Variants in TUSC3 observed in about 807,000 individuals in gnomAD.
TUSC3 encodes the protein tumor suppressor candidate 3.
Under a neutral mutation model 44.8 loss-of-function variants are expected in TUSC3, and 45 were observed. The ratio of observed to expected loss-of-function variants is 1.00; its 90% CI spans 0.79 to 1.29. The LOEUF (loss-of-function observed/expected upper bound fraction) is 1.29, where lower values mean the gene tolerates loss of function less well. TUSC3 is among the 50% of genes most tolerant of loss of function. The pLI is 0.00. For synonymous variants in TUSC3, 212 were observed against 152.9 expected (o/e 1.39, Z -2.85); for missense variants, 519 against 437.9 (o/e 1.19, Z -1.65).
At chr8:15,757,188 G>A (rs1231278818) in intron 9 of TUSC3, among the ~76,000 whole-genome samples, 1 of 152,078 alleles carries the variant, frequency 6.6e-6, no homozygotes, top group African/African-American at 2.4e-5. Flanking sequence ...TTCTAAGCTG[G>A]GTGATAACAA....
chr8:15,775,665 T>C, the TUSC3 span, among the ~76,000 whole-genome samples: 2 of 145,098 alleles, frequency 1.4e-5, no homozygotes, highest in Non-Finnish European at 3.0e-5. Flanking sequence ...CACATATACA[T>C]ATATACACAC....
At chr8:15,758,954 C>T (rs1812052368) in intron 10 of TUSC3, among the ~76,000 whole-genome samples, 1 of 152,106 alleles carries the variant, frequency 6.6e-6, no homozygotes, top group African/African-American at 2.4e-5. Flanking sequence ...TTGTTTTAGA[C>T]TCAAAGACTT....
chr8:15,822,837 G>C, the TUSC3 span, among the ~76,000 whole-genome samples: 2 of 152,126 alleles, frequency 1.3e-5, no homozygotes, highest in Admixed American at 6.6e-5. Context: ...ACACCAATAA[G>C]AAGATTCTTA....
At chr8:15,507,088 C>A (rs992284999) in intron 2 of TUSC3, among the ~76,000 whole-genome samples, 1 of 152,100 alleles carries the variant, frequency 6.6e-6, no homozygotes, top group East Asian at 1.9e-4. Flanking sequence ...TATGTTTTTT[C>A]TCCAATTAAC....
intron 7 of TUSC3, among the ~76,000 whole-genome samples, chr8:15,735,410 G>A (rs1420834727): frequency 6.6e-6 from 1 of 152,188 alleles, no homozygotes; most frequent in Non-Finnish European, 1.5e-5. Flanking sequence ...GGAGGGCAAT[G>A]TTTAGCCCAA....
chr8:15,553,793 TAAAG>T (rs1037446168), intron 1 of TUSC3, among the ~76,000 whole-genome samples: 8 of 151,376 alleles, frequency 5.3e-5, no homozygotes, highest in African/African-American at 1.9e-4. Flanking sequence ...GAAATGAAAA[TAAAG>T]AATGTTATGT....
At chr8:15,697,179 G>C (rs192068043) in intron 6 of TUSC3, among the ~76,000 whole-genome samples, 235 of 152,016 alleles carry the variant, frequency 1.5e-3, no homozygotes, top group Non-Finnish European at 3.0e-3. Flanking sequence ...TATTTTTCTT[G>C]GTTAATCTTG....
chr8:15,823,411 G>A, the TUSC3 span, among the ~76,000 whole-genome samples: 2 of 152,028 alleles, frequency 1.3e-5, no homozygotes, highest in African/African-American at 2.4e-5. Flanking sequence ...ATGATTCTAT[G>A]ACTTTACATT....
intron 10 of TUSC3, among the ~76,000 whole-genome samples, chr8:15,758,562 T>C (rs1023704883): frequency 2.0e-5 from 3 of 152,012 alleles, no homozygotes; most frequent in Non-Finnish European, 4.4e-5. Flanking sequence ...AATTCCATTG[T>C]GGTAATACAG....
chr8:15,787,502 T>TATATTATTTGAGGG, the TUSC3 span, among the ~76,000 whole-genome samples: 3 of 152,160 alleles, frequency 2.0e-5, no homozygotes, highest in Non-Finnish European at 4.4e-5. Context: ...GTCAGGAAAA[T>TATATTATTTGAGGG]ATATTATTTG....
chr8:15,652,926 C>T (rs1443551385), intron 3 of TUSC3, among the ~76,000 whole-genome samples: 5 of 152,148 alleles, frequency 3.3e-5, no homozygotes, highest in African/African-American at 1.2e-4. Context: ...GTTGATAATA[C>T]ATTATCTGTT....
chr8:15,496,362 CTG>C lies in TUSC3; in HGVS notation n.189+12882_189+12883del, dbSNP rs550051629. Among the ~76,000 whole-genome samples, 33 of 152,300 alleles carry C rather than the reference CTG, an allele frequency of 2.2e-4. 1 individual carries two copies. The South Asian group carries it at 6.2e-3, about 29-fold the overall frequency. On this transcript the variant is annotated intron_variant and non_coding_transcript_variant, in intron 2 of 5. Transcript: ENST00000503191. ...TCCACGCCTCTAGGGGCCATCCTAACTGTGAATTTGTGCTGTCTCCTAGGGTC... is the reference window on the plus strand; with the variant it reads ...TCCACGCCTCTAGGGGCCATCCTAACTGAATTTGTGCTGTCTCCTAGGGTC...
intron 1 of TUSC3, among the ~76,000 whole-genome samples, chr8:15,568,497 G>C (rs1802755101): frequency 6.6e-6 from 1 of 151,984 alleles, no homozygotes. Flanking sequence ...GATTGAATTA[G>C]GCTTATGTCA....
At chr8:15,636,730 C>G (rs1053146828) in intron 2 of TUSC3, among the ~76,000 whole-genome samples, 4 of 152,148 alleles carry the variant, frequency 2.6e-5, no homozygotes, top group African/African-American at 4.8e-5. Context: ...GTGGGCTAGT[C>G]TATATAAATG....
intron 5 of TUSC3, among the ~76,000 whole-genome samples, chr8:15,667,390 A>C (rs1807713175): frequency 1.3e-5 from 2 of 151,776 alleles, no homozygotes; most frequent in South Asian, 4.1e-4. Context: ...TAAATAATTC[A>C]CTTGTGAATA....
chr8:15,629,574 G>A (rs534054653), intron 2 of TUSC3, among the ~76,000 whole-genome samples: 9 of 125,162 alleles, frequency 7.2e-5, no homozygotes, highest in East Asian at 4.5e-4. Context: ...TTTTTTTCAC[G>A]TGAATTACTC....
intron 1 of TUSC3, among the ~76,000 whole-genome samples, chr8:15,583,980 G>A (rs1459387558): frequency 6.6e-6 from 1 of 152,196 alleles, no homozygotes; most frequent in Non-Finnish European, 1.5e-5. Flanking sequence ...GATAGTGTCA[G>A]TTGTTTGTCC....
intron 2 of TUSC3, among the ~76,000 whole-genome samples, chr8:15,528,331 G>T (rs1313955341): frequency 2.0e-5 from 3 of 152,180 alleles, no homozygotes; most frequent in Non-Finnish European, 4.4e-5. Flanking sequence ...GAATTAGGAA[G>T]AAAGCTGTGT....
At chr8:15,532,725 G>A (rs1303354772) in intron 2 of TUSC3, among the ~76,000 whole-genome samples, 5 of 152,184 alleles carry the variant, frequency 3.3e-5, no homozygotes, top group Admixed American at 1.3e-4. Context: ...GTGGGACCCA[G>A]TGGGAGAAAA....
Sources: gnomAD v4.1 joint callset for allele counts (sites outside exome capture counted in the v4.1 genomes callset) on GRCh38, gnomAD v4.1.1 for gene constraint, MANE v1.5 for transcripts, NCBI Gene and HGNC (gene_info 2026-07-23, HGNC 2026-07-21) for gene names.